ATP5ME: variants seen among roughly 807,000 people sequenced by gnomAD.
ATP5ME encodes the protein ATP synthase F(0) complex subunit e, mitochondrial.
ATP5ME carries 10 observed loss-of-function variants against 11.6 expected under a neutral mutation model. That is an observed-to-expected ratio of 0.86 (90% CI 0.53 to 1.46). ATP5ME has a LOEUF of 1.46. Among genes scored for constraint, ATP5ME ranks in the 40% most tolerant of loss-of-function variants. The pLI, the probability that ATP5ME is intolerant of heterozygous loss-of-function variation, is 0.00. For synonymous variants in ATP5ME, 45 were observed against 33.5 expected (o/e 1.34, Z -1.19); for missense variants, 115 against 85.4 (o/e 1.35, Z -1.37).
chr4:673,354 C>T lies in ATP5ME; in HGVS notation c.139G>A (p.Glu47Lys), dbSNP rs765723995. Residue 47 changes from glutamate (E) to lysine (K), a missense_variant, in exon 3 of 4, where the codon GAG becomes AAG. Coordinates refer to ENST00000304312, the MANE Select transcript of ATP5ME (RefSeq NM_007100.4). Reference protein sequence around the residue: ...AEEERRIAAEEKKKQDELKRI... With the variant: ...AEEERRIAAEKKKKQDELKRI... Reference sequence around the variant, plus strand: ...TTCAGTTCATCCTGCTTCTTCTTCTCTTCTGCTGCTATCCTCCTCTCCTCT... The same window carrying T: ...TTCAGTTCATCCTGCTTCTTCTTCTTTTCTGCTGCTATCCTCCTCTCCTCT... The T allele has an allele frequency of 2.5e-6, 4 of 1,614,206 alleles. No homozygotes were observed. The highest frequency in any genetic ancestry group is 2.2e-5 in the East Asian group (1 of 44,890).
At position 674,216 on chromosome 4, in the gene ATP5ME, A is replaced by G. The variant is rs767699650; in HGVS notation, c.32T>C (p.Ile11Thr). ...CGGCTGCAAAGCCTGGATCACCTTG[A>G]TGAGCGGAGAGACCTGCACCGGTGG... MVPPVQVSPL[I>T]KLGRYSALFL... Residue 11 changes from isoleucine to threonine, a missense_variant, in exon 1 of 4, where the codon ATC (isoleucine) becomes ACC (threonine). Ile to Thr is a moderately conservative substitution (Grantham distance 89). Coordinates refer to ENST00000304312, the MANE Select transcript of ATP5ME (RefSeq NM_007100.4). The G allele has an allele frequency of 6.2e-7, 1 of 1,611,778 alleles. No individual in the cohort carries two copies. Among genetic ancestry groups the G allele is most frequent in the South Asian group, 1.1e-5 (1 of 90,990 alleles).
rs372964637 is a variant in ATP5ME at position 673,065 on chromosome 4, G to T, written c.190+238C>A. Among the ~76,000 whole-genome samples the T allele has an allele frequency of 7.9e-5, 12 of 152,214 alleles. No homozygotes were observed. The East Asian group carries it at 1.2e-3, about 15-fold the overall frequency. On this transcript the variant is annotated intron_variant, in intron 3 of 3. Coordinates refer to ENST00000304312, the MANE Select transcript of ATP5ME (RefSeq NM_007100.4). ...ACCGGGCCATGCCCGGCTAATTTTT[G>T]TAGAGACAGGGTTGCACCATGTTGG...
chr4:674,081 C>A (rs1172804430), intron 1 of ATP5ME, 115 bp from the exon 2 acceptor site: 4 of 1,260,854 alleles, frequency 3.2e-6, no homozygotes, highest in Non-Finnish European at 4.3e-6. Flanking sequence ...GGGGTCCGGT[C>A]GCCGGGCGAG....
At chr4:672,583 C>T (rs558918162) in intron 3 of ATP5ME, 64 bp from the exon 4 acceptor site, 132 of 1,452,416 alleles carry the variant, frequency 9.1e-5, no homozygotes, top group Non-Finnish European at 1.0e-4. Flanking sequence ...AAGACCACTT[C>T]AGCTTCCCAG....
At position 674,237 on chromosome 4, in the gene ATP5ME, G is replaced by A; in HGVS notation, c.11C>T (p.Pro4Leu). The stretch of plus-strand genomic sequence containing the variant: ...CTTGATGAGCGGAGAGACCTGCACC[G>A]GTGGCACCATCTTGTCCCTGACCTC... MVP[P>L]VQVSPLIKLG... The change falls in exon 1 of 4, where the codon CCG becomes CTG. Residue 4 changes from proline to leucine, a missense_variant. Physicochemically the swap from Pro to Leu is moderately conservative, Grantham distance 98. Transcript: ENST00000304312. The A allele has an allele frequency of 3.1e-6, 5 of 1,611,840 alleles. No individual in the cohort carries two copies. The highest frequency in any genetic ancestry group is 1.1e-5 in the South Asian group (1 of 91,004).
At chr4:674,014 C>A (rs1738656161) in intron 1 of ATP5ME, 48 bp from the exon 2 acceptor site, 5 of 874,360 alleles carry the variant, frequency 5.7e-6, no homozygotes, top group Admixed American at 2.4e-5. Flanking sequence ...GCTCGCGGGA[C>A]GGGGGTCGCG....
At chr4:673,213 AC>A in intron 3 of ATP5ME, 89 bp downstream of exon 3, 1 of 1,595,590 alleles carries the variant, frequency 6.3e-7, no homozygotes, top group Non-Finnish European at 8.6e-7. Flanking sequence ...ATCCGCATCT[AC>A]TTAGCTCTGC....
At chr4:672,545 G>C in intron 3 of ATP5ME, 26 bp from the exon 4 acceptor site, 7 of 1,611,960 alleles carry the variant, frequency 4.3e-6, no homozygotes, top group Non-Finnish European at 5.9e-6. Flanking sequence ...TAGAAGAAAA[G>C]CACATGTTAC....
At chr4:673,479 C>G in intron 2 of ATP5ME, 78 bp from the exon 3 acceptor site, 1 of 1,605,790 alleles carries the variant, frequency 6.2e-7, no homozygotes, top group Non-Finnish European at 8.5e-7. Context: ...GTCAAGGTAT[C>G]TTCAGCGACG....
rs1394334947 is a variant in ATP5ME, at chr4:673,387, G to A, written c.106C>T (p.Arg36Trp). The change falls in exon 3 of 4, where the codon CGG becomes TGG. Residue 36 changes from arginine to tryptophan, a missense_variant. Arg to Trp is a moderately radical substitution (Grantham distance 101, BLOSUM62 -3). Coordinates refer to ENST00000304312, the MANE Select transcript of ATP5ME (RefSeq NM_007100.4). ...GATRYNYLKP[R>W]AEEERRIAAE... Reference sequence around the variant, plus strand: ...GCTATCCTCCTCTCCTCTTCTGCCCGAGGTTTTAGGTAATCTGTTTGGCGG... The same window carrying A: ...GCTATCCTCCTCTCCTCTTCTGCCCAAGGTTTTAGGTAATCTGTTTGGCGG... The A allele has an allele frequency of 3.1e-6, 5 of 1,614,010 alleles. No homozygotes were observed. Among genetic ancestry groups the A allele is most frequent in the African/African-American group, 2.7e-5 (2 of 74,926 alleles).
chr4:673,846 A>T, intron 2 of ATP5ME, 66 bp downstream of exon 2: 1 of 1,534,642 alleles, frequency 6.5e-7, no homozygotes, highest in Non-Finnish European at 8.8e-7. Context: ...GAGTTCTCCA[A>T]ATAGCACAGG....
At chr4:674,180 G>A in intron 1 of ATP5ME, 32 bp downstream of exon 1, 1 of 1,608,368 alleles carries the variant, frequency 6.2e-7, no homozygotes, top group Non-Finnish European at 8.5e-7. Context: ...GGGGCCCAGA[G>A]CACTGGGCGG....
intron 3 of ATP5ME, 69 bp downstream of exon 3, chr4:673,234 C>A (rs963901011): frequency 6.2e-7 from 1 of 1,610,680 alleles, no homozygotes; most frequent in South Asian, 1.1e-5. Context: ...CTTAAATGTC[C>A]TCCTCCATTT....
chr4:673,534 C>A (rs1738633220), intron 2 of ATP5ME, 133 bp from the exon 3 acceptor site: 2 of 1,462,334 alleles, frequency 1.4e-6, no homozygotes, highest in Non-Finnish European at 1.8e-6. Flanking sequence ...TATGTTAATG[C>A]GAGTCAACGC....
intron 1 of ATP5ME, 40 bp downstream of exon 1, chr4:674,172 G>A (rs372822041): frequency 1.9e-5 from 31 of 1,602,538 alleles, no homozygotes; most frequent in African/African-American, 1.1e-4. Context: ...GACACGGGGG[G>A]GCCCAGAGCA....
rs1285000976 is a variant in ATP5ME at position 673,231 on chromosome 4, GTCC to G, written c.190+69_190+71del. ...CGCATCTACTTAGCTCTGCTTAAAT[GTCC>G]TCCTCCATTTTCCTTATCCCTGCAC... On this transcript the variant is annotated intron_variant, in intron 3 of 3. Coordinates refer to ENST00000304312, the MANE Select transcript of ATP5ME (RefSeq NM_007100.4). 8.7e-6 allele frequency: 14 copies of G among 1,609,786 alleles called. No homozygotes were observed. The South Asian group carries it at 1.1e-4, about 13-fold the overall frequency.
intron 1 of ATP5ME, 42 bp downstream of exon 1, chr4:674,170 G>C: frequency 1.2e-6 from 2 of 1,602,732 alleles, no homozygotes. Context: ...GGGACACGGG[G>C]GGGCCCAGAG....
chr4:674,104 AG>A, intron 1 of ATP5ME, 107 bp downstream of exon 1: 1 of 610,956 alleles, frequency 1.6e-6, no homozygotes, highest in Non-Finnish European at 2.2e-6. Context: ...TCACGGGGCG[AG>A]GATCATGGGG....
chr4:673,949 G>A lies in ATP5ME; in HGVS notation c.54C>T (p.Ala18=), dbSNP rs1738651586. The change falls in exon 2 of 4, where the codon GCC becomes GCT. Residue 18 remains alanine (A), a synonymous_variant. Coordinates refer to ENST00000304312, the MANE Select transcript of ATP5ME (RefSeq NM_007100.4). ...SPLIKLGRYS[A]LFLGVAYGAT... ...CTCCGTAGGCCACACCGAGGAACAG[G>A]GCGGAGTAGCGGCCGAGCTGCGAAA... 2.6e-6 allele frequency: 4 copies of A among 1,545,756 alleles called. No individual in the cohort carries two copies. The South Asian group carries it at 4.8e-5, about 18-fold the overall frequency.
Sources: gnomAD v4.1 joint callset for allele counts (sites outside exome capture counted in the v4.1 genomes callset) on GRCh38, gnomAD v4.1.1 for gene constraint, MANE v1.5 for transcripts, NCBI Gene and HGNC (gene_info 2026-07-23, HGNC 2026-07-21) for gene names.